The following TPCN2 variants were observed in gnomAD, a reference collection of about 807,000 sequenced individuals.
TPCN2 encodes two pore segment channel 2.
In TPCN2, 92 loss-of-function variants were observed where a neutral mutation model predicts 111.4. The ratio of observed to expected loss-of-function variants is 0.83; its 90% CI spans 0.70 to 0.98. The LOEUF (loss-of-function observed/expected upper bound fraction) is 0.98, where lower values mean the gene tolerates loss of function less well. Among genes scored for constraint, TPCN2 ranks in the 50% least tolerant of loss-of-function variants. TPCN2 has a pLI of 0.00. For missense variants in TPCN2, 995 were observed against 980.1 expected, an observed-to-expected ratio of 1.02 and a Z score of -0.20; for synonymous variants, 405 against 414.5, an observed-to-expected ratio of 0.98 and a Z score of 0.28.
rs764398911 is a variant in TPCN2 at position 69,067,458 on chromosome 11, G to A, written c.727-45G>A. The A allele has an allele frequency of 1.9e-6, 3 of 1,559,462 alleles. No individual in the cohort carries two copies. In the South Asian group the frequency reaches 3.3e-5, roughly 17 times the overall value. ...CCGGGGCCTGGAGCTCAGCCTGTGG[G>A]GTGGGGACCCAGTGGTGCCCTGGAG... is the stretch of plus-strand genomic sequence containing the variant. On this transcript the variant is annotated intron_variant, in intron 7 of 24. Transcript: ENST00000294309.
intron 23 of TPCN2, 135 bp from the exon 24 acceptor site, chr11:69,086,977 G>A (rs1211971435): frequency 2.1e-5 from 15 of 709,162 alleles, no homozygotes; most frequent in Non-Finnish European, 3.3e-5. Flanking sequence ...CGTGGGGCCT[G>A]TGCCTGGGTG....
chr11:69,079,816 T>C lies in TPCN2; in HGVS notation c.1540-18T>C, dbSNP rs2134622103. 1.2e-6 allele frequency: 2 copies of C among 1,613,056 alleles called. No homozygotes were observed. Among genetic ancestry groups the C allele is most frequent in the East Asian group, 4.5e-5 (2 of 44,866 alleles). On this transcript the variant is annotated intron_variant, in intron 16 of 24. Transcript: ENST00000294309. ...TAGTGTTGCTGTAGCGAAGCCTTCT[T>C]TTCTTTTGTAATTAAAGGTTTTGGA...
rs1178116641 is a variant in TPCN2 at position 69,069,773 on chromosome 11, AAGTGACCGCACTGGG to A, written c.830-654_830-640del. Among the ~76,000 whole-genome samples, 341 of 113,678 alleles carry A rather than the reference AAGTGACCGCACTGGG, an allele frequency of 3.0e-3. 65 individuals are homozygous for A. The highest frequency in any genetic ancestry group is 5.9e-3 in the South Asian group (19 of 3,242). 74.6% of individuals were successfully genotyped at this position (113,678 alleles called of 152,430 possible). A position where few individuals can be genotyped will look rare whatever the true frequency, so the allele number is the denominator to read the frequency against. Reference sequence around the variant, plus strand: ...GGAGCAGGACCGTCTGAGTCCTAGGAAGTGACCGCACTGGGAGCAGGACCGTCTGAGTCCTAGGAA... The same window carrying A: ...GGAGCAGGACCGTCTGAGTCCTAGGAAGCAGGACCGTCTGAGTCCTAGGAA... On this transcript the variant is annotated intron_variant, in intron 8 of 24. Coordinates refer to ENST00000294309, the MANE Select transcript of TPCN2 (RefSeq NM_139075.4).
rs12416746 is a variant in TPCN2 at position 69,087,864 on chromosome 11, C to G, written c.2181-11C>G. On this transcript the variant is annotated splice_polypyrimidine_tract_variant and intron_variant, in intron 24 of 24. Transcript: ENST00000294309. ...AGAGGCCCCTGTGTGCATCTTTCCT[C>G]AATTCCACAGGGATATTCTGGAGGA... The G allele has an allele frequency of 3.1e-3, 5,018 of 1,611,196 alleles. 162 individuals are homozygous for G. The Admixed American group carries it at 0.066, about 21-fold the overall frequency.
intron 7 of TPCN2, 83 bp downstream of exon 7, chr11:69,064,050 C>T: frequency 1.5e-6 from 2 of 1,341,778 alleles, no homozygotes; most frequent in Non-Finnish European, 2.1e-6. Flanking sequence ...TGTCTGCTGC[C>T]CTGGCCTAAC....
rs1856355640 is a variant in TPCN2 at position 69,088,246 on chromosome 11, A to G, written c.*293A>G. On this transcript the variant is annotated 3_prime_UTR_variant, in exon 25 of 25. Coordinates refer to ENST00000294309, the MANE Select transcript of TPCN2 (RefSeq NM_139075.4). Reference sequence around the variant, plus strand: ...GGGACCTTTCAGACAAAAATGCAAGAAGCAGCGGCCTCCCCTGTCCCCTGC... The same window carrying G: ...GGGACCTTTCAGACAAAAATGCAAGGAGCAGCGGCCTCCCCTGTCCCCTGC... 2.5e-6 allele frequency: 1 copy of G among 397,976 alleles called. No homozygotes were observed. The highest frequency in any genetic ancestry group is 4.2e-5 in the Admixed American group (1 of 24,090). 24.7% of individuals were successfully genotyped at this position (397,976 alleles called of 1,614,324 possible). A position where few individuals can be genotyped will look rare whatever the true frequency, so the allele number is the denominator to read the frequency against.
At chr11:69,079,263 C>T (rs978948641) in intron 16 of TPCN2, 13 of 534,654 alleles carry the variant, frequency 2.4e-5, no homozygotes, top group African/African-American at 3.8e-5. Flanking sequence ...CTGCCCCTCC[C>T]GACCCCCAGG....
chr11:69,073,128 G>C (rs955871841), intron 13 of TPCN2, 127 bp downstream of exon 13: 22 of 676,550 alleles, frequency 3.3e-5, no homozygotes, highest in Admixed American at 1.1e-4. Flanking sequence ...CTGGCTCCTA[G>C]TATGGGAACT....
Position 69,085,698 on chromosome 11 carries a change from C to T in TPCN2, c.1866C>T (p.Pro622=). 1 of 1,614,014 alleles carries T rather than the reference C, an allele frequency of 6.2e-7. No homozygotes were observed. Among genetic ancestry groups the T allele is most frequent in the African/African-American group, 1.3e-5 (1 of 75,056 alleles). The change falls in exon 21 of 25, where the codon CCC becomes CCT. Residue 622 remains proline (P), a synonymous_variant. Coordinates refer to ENST00000294309, the MANE Select transcript of TPCN2 (RefSeq NM_139075.4). ...SSLAPANGSA[P]CGSFEQLEYW... ...TGGCCCCTGCCAATGGCTCGGCGCC[C>T]TGTGGGAGCTTCGAGCAGCTGGAGT...
intron 18 of TPCN2, among the ~76,000 whole-genome samples, chr11:69,083,021 G>T (rs924863316): frequency 1.4e-5 from 2 of 140,634 alleles, no homozygotes; most frequent in African/African-American, 5.6e-5. Context: ...TGCACACATC[G>T]CATGCAGATA....
intron 4 of TPCN2, among the ~76,000 whole-genome samples, chr11:69,056,058 C>T (rs555684107): frequency 1.3e-5 from 2 of 152,378 alleles, no homozygotes; most frequent in South Asian, 4.1e-4. Context: ...GACTTAGTGC[C>T]TTTCCAGGGA....
intron 13 of TPCN2, among the ~76,000 whole-genome samples, chr11:69,075,152 G>A (rs1855700191): frequency 6.6e-6 from 1 of 152,194 alleles, no homozygotes; most frequent in Admixed American, 6.5e-5. Flanking sequence ...ACCGAGCACT[G>A]GGCTTTGAGA....
intron 13 of TPCN2, among the ~76,000 whole-genome samples, chr11:69,077,060 A>C (rs112939185): frequency 1.4e-3 from 8 of 5,578 alleles, no homozygotes; most frequent in Non-Finnish European, 1.7e-3. Flanking sequence ...CCCTCGTGCC[A>C]TGTCCCTCCA....
chr11:69,068,017 G>T (rs10896410), intron 8 of TPCN2, among the ~76,000 whole-genome samples: 66,215 of 151,972 alleles, frequency 0.44, 14,834 homozygotes, highest in Non-Finnish European at 0.5. Flanking sequence ...TCCACGCTGC[G>T]GTTGCTGCCG....
intron 4 of TPCN2, among the ~76,000 whole-genome samples, chr11:69,057,134 T>C (rs929287420): frequency 6.6e-6 from 1 of 152,224 alleles, no homozygotes; most frequent in African/African-American, 2.4e-5. Flanking sequence ...CACCGCCTTC[T>C]GGGGACTTTC....
Position 69,081,417 on chromosome 11 carries a change from G to A in TPCN2, c.1607G>A (p.Gly536Asp). The stretch of plus-strand genomic sequence containing the variant: ...CTCCCCAGGAGGCCGGAGATGGTGG[G>A]CCTGCTGTCGCTGTGGGACATGACC... Reference protein sequence around the residue: ...PHPGWRPEMVGLLSLWDMTRM... With the variant: ...PHPGWRPEMVDLLSLWDMTRM... Residue 536 changes from glycine to aspartate, a missense_variant, in exon 18 of 25, where the codon GGC becomes GAC. By Grantham distance (94) the Gly-to-Asp change is moderately conservative. Transcript: ENST00000294309. 2 of 1,556,918 alleles carry A rather than the reference G, an allele frequency of 1.3e-6. No individual in the cohort carries two copies.
chr11:69,064,914 A>G (rs1375105439), intron 7 of TPCN2, among the ~76,000 whole-genome samples: 1 of 150,048 alleles, frequency 6.7e-6, no homozygotes, highest in Non-Finnish European at 1.5e-5. Flanking sequence ...GTCTGTGTGC[A>G]TGGTGTCTGT....
chr11:69,084,828 G>A (rs1385983876), intron 19 of TPCN2: 4 of 983,626 alleles, frequency 4.1e-6, no homozygotes, highest in African/African-American at 1.7e-5. Flanking sequence ...CACAGCAGAG[G>A]AAACTGAGGC....
intron 5 of TPCN2, among the ~76,000 whole-genome samples, chr11:69,058,488 C>T (rs1854874053): frequency 5.3e-5 from 8 of 150,442 alleles, no homozygotes; most frequent in Admixed American, 4.7e-4. Flanking sequence ...GCTGGTGCCT[C>T]CCAGAAGCTC....
Sources: gnomAD v4.1 joint callset for allele counts (sites outside exome capture counted in the v4.1 genomes callset) on GRCh38, gnomAD v4.1.1 for gene constraint, MANE v1.5 for transcripts, NCBI Gene and HGNC (gene_info 2026-07-23, HGNC 2026-07-21) for gene names.